The following IMPG1 variants were observed in gnomAD, a reference collection of about 807,000 sequenced individuals.
The protein encoded by IMPG1 is interphotoreceptor matrix proteoglycan 1, also known as interphotoreceptor matrix proteoglycan of 150 kDa.
IMPG1 carries 85 observed loss-of-function variants against 92.0 expected under a neutral mutation model. The observed-to-expected ratio is 0.92, with a 90% CI of 0.78 to 1.11. IMPG1 has a LOEUF of 1.11. IMPG1 is among the 50% of genes least tolerant of loss of function. IMPG1 has a pLI of 0.00. For missense variants in IMPG1, 1,022 were observed against 956.0 expected (o/e 1.07, Z -0.91); for synonymous variants, 367 against 334.1 (o/e 1.10, Z -1.08).
chr6:75,925,853 A>T (rs527429909), intron 15 of IMPG1, among the ~76,000 whole-genome samples: 1 of 152,106 alleles, frequency 6.6e-6, no homozygotes, highest in Non-Finnish European at 1.5e-5. Flanking sequence ...TTTAGTAGAG[A>T]CAGGGTTTCA....
chr6:76,053,095 C>T (rs908129276), intron 1 of IMPG1, among the ~76,000 whole-genome samples: 2 of 152,196 alleles, frequency 1.3e-5, no homozygotes, highest in Non-Finnish European at 1.5e-5. Flanking sequence ...GTTCCACTAA[C>T]CTTTTTTACT....
At chr6:75,944,890 T>C (rs1472183963) in intron 14 of IMPG1, among the ~76,000 whole-genome samples, 1 of 143,936 alleles carries the variant, frequency 6.9e-6, no homozygotes, top group Non-Finnish European at 1.5e-5. Context: ...TCCCAGGTTG[T>C]CCAGCAGGCA....
rs75960304 is a variant in IMPG1, at chr6:75,952,177, C to A, written c.1292-1083G>T. 3.9e-3 allele frequency among the ~76,000 whole-genome samples: 588 copies of A among 152,182 alleles called. 6 individuals are homozygous for A. Among genetic ancestry groups the A allele is most frequent in the African/African-American group, 0.014 (563 of 41,532 alleles). ...TGAATTATTAAAATATTCCAATAAA[C>A]CTAAATCCAGAGCCACTGATGATAT... On this transcript the variant is annotated intron_variant, in intron 12 of 16. Coordinates refer to ENST00000369950, the MANE Select transcript of IMPG1 (RefSeq NM_001563.4).
intron 9 of IMPG1, among the ~76,000 whole-genome samples, chr6:76,006,198 T>G (rs1005391686): frequency 7.9e-5 from 12 of 151,998 alleles, no homozygotes; most frequent in Admixed American, 7.9e-4. Context: ...TGTGATCTTA[T>G]AAGTCATGCC....
rs201624566 is a variant in IMPG1, at chr6:76,018,841, G to A, written c.684C>T (p.Phe228=). 122 of 1,589,726 alleles carry A rather than the reference G, an allele frequency of 7.7e-5. 1 individual carries two copies. The East Asian group carries it at 1.3e-3, about 17-fold the overall frequency. ...CCACCCTCTGCTCCTCCAACACAGCGAATTCTGTTTCTCTTTCCTGAGTTT... is the reference window on the plus strand; with the variant it reads ...CCACCCTCTGCTCCTCCAACACAGCAAATTCTGTTTCTCTTTCCTGAGTTT... The part of the protein sequence containing the change: ...KMPTTERETE[F]AVLEEQRVEL... Residue 228 remains phenylalanine, a synonymous_variant, in exon 7 of 17, where the codon TTC becomes TTT. Transcript: ENST00000369950.
intron 6 of IMPG1, among the ~76,000 whole-genome samples, chr6:76,021,777 G>GTATATATATATATATATATA (rs1562373096): frequency 4.7e-4 from 1 of 2,144 alleles, no homozygotes; most frequent in Non-Finnish European, 1.2e-3. Context: ...CACTTGGAGA[G>GTATATATATATATATATATA]CATATATATA....
chr6:75,960,188 C>T (rs1045343971), intron 12 of IMPG1, among the ~76,000 whole-genome samples: 7 of 152,158 alleles, frequency 4.6e-5, no homozygotes, highest in Non-Finnish European at 8.8e-5. Flanking sequence ...GCTCACCCTC[C>T]GTGGGCTGCA....
At chr6:76,008,797 C>T (rs9350612) in intron 8 of IMPG1, among the ~76,000 whole-genome samples, 49,363 of 152,070 alleles carry the variant, frequency 0.32, 8,357 homozygotes, top group East Asian at 0.49. Flanking sequence ...ACCTGTCAAA[C>T]CATTACCACA....
intron 13 of IMPG1, among the ~76,000 whole-genome samples, chr6:75,949,794 G>A (rs1200052530): frequency 6.6e-6 from 1 of 152,106 alleles, no homozygotes; most frequent in East Asian, 1.9e-4. Context: ...GTTCACTTGA[G>A]AAATTGGGTT....
rs1488272221 is a variant in IMPG1, at chr6:76,040,527, C to G, written c.301+1366G>C. ...CTTTTCTCTATTTTCCCAATGGGCT[C>G]TTTGCATTCTGTGTCCACCAACAAG... On this transcript the variant is annotated intron_variant, in intron 2 of 16. Coordinates refer to ENST00000369950, the MANE Select transcript of IMPG1 (RefSeq NM_001563.4). 2.0e-5 allele frequency among the ~76,000 whole-genome samples: 3 copies of G among 152,172 alleles called. No homozygotes were observed. In the East Asian group the frequency reaches 5.8e-4, roughly 29 times the overall value.
chr6:75,981,635 G>A (rs1782629776), intron 12 of IMPG1, among the ~76,000 whole-genome samples: 1 of 152,188 alleles, frequency 6.6e-6, no homozygotes, highest in Non-Finnish European at 1.5e-5. Flanking sequence ...CCAAGTTACA[G>A]TCATAGAAGA....
intron 12 of IMPG1, among the ~76,000 whole-genome samples, chr6:75,993,463 GGAGA>G (rs1562362323): frequency 6.6e-6 from 1 of 151,370 alleles, no homozygotes; most frequent in Non-Finnish European, 1.5e-5. Context: ...TGGCGGAAAA[GGAGA>G]GAGAGAAAGA....
intron 12 of IMPG1, among the ~76,000 whole-genome samples, chr6:75,966,679 T>C (rs1430657163): frequency 2.6e-5 from 4 of 152,224 alleles, no homozygotes; most frequent in African/African-American, 9.7e-5. Context: ...AGGTCAATAC[T>C]GACAGGCTTT....
chr6:76,041,978 T>C lies in IMPG1; in HGVS notation c.216A>G (p.Ala72=), dbSNP rs747545340. 2 of 1,613,912 alleles carry C rather than the reference T, an allele frequency of 1.2e-6. No homozygotes were observed. Among genetic ancestry groups the C allele is most frequent in the African/African-American group, 1.3e-5 (1 of 74,930 alleles). ...DLAKHRTKRS[A]FFPTGVKVCP... ...AGACTTTAACCCCCGTTGGGAAAAATGCGGATCTTTTTGTTCGATGCTTTG... is the reference window on the plus strand; with the variant it reads ...AGACTTTAACCCCCGTTGGGAAAAACGCGGATCTTTTTGTTCGATGCTTTG... The change falls in exon 2 of 17, where the codon GCA becomes GCG. Residue 72 remains alanine (A), a synonymous_variant. Coordinates refer to ENST00000369950, the MANE Select transcript of IMPG1 (RefSeq NM_001563.4).
intron 12 of IMPG1, among the ~76,000 whole-genome samples, chr6:75,975,503 T>C (rs536033183): frequency 1.3e-5 from 2 of 152,362 alleles, no homozygotes; most frequent in South Asian, 4.1e-4. Flanking sequence ...AATTCTGTGC[T>C]TTTTGTTGTC....
At chr6:75,971,548 C>T (rs1782417489) in intron 12 of IMPG1, among the ~76,000 whole-genome samples, 1 of 152,162 alleles carries the variant, frequency 6.6e-6, no homozygotes, top group South Asian at 2.1e-4. Context: ...TAGTTCAAAA[C>T]AAAATTTAAC....
intron 7 of IMPG1, among the ~76,000 whole-genome samples, chr6:76,015,028 C>G (rs1783259710): frequency 6.6e-6 from 1 of 152,140 alleles, no homozygotes; most frequent in African/African-American, 2.4e-5. Context: ...CCCAGTTAAC[C>G]TTATTAATAA....
chr6:76,058,279 A>C (rs544479222), intron 1 of IMPG1, among the ~76,000 whole-genome samples: 1 of 152,298 alleles, frequency 6.6e-6, no homozygotes, highest in South Asian at 2.1e-4. Flanking sequence ...TGTTTGGATA[A>C]ACTCAGAGAA....
Position 76,019,006 on chromosome 6 carries a change from G to C in IMPG1, c.667-148C>G, listed in dbSNP as rs1029971215. 2.3e-5 allele frequency: 16 copies of C among 686,358 alleles called. No homozygotes were observed. In the South Asian group the frequency reaches 3.9e-4, roughly 17 times the overall value. The allele number at this position is 686,358 out of a possible 1,614,324, so 42.5% of individuals were successfully genotyped here. On this transcript the variant is annotated intron_variant, in intron 6 of 16. Transcript: ENST00000369950. ...TCAAAATCCTTTTAACTAGAACTTAGAGAAGAGCCTAGACTGGTTTAATGA... is the reference window on the plus strand; with the variant it reads ...TCAAAATCCTTTTAACTAGAACTTACAGAAGAGCCTAGACTGGTTTAATGA...
Sources: allele counts gnomAD v4.1 joint callset (sites outside exome capture counted in the v4.1 genomes callset), GRCh38; gene constraint gnomAD v4.1.1; transcripts MANE v1.5; gene names NCBI Gene and HGNC (gene_info 2026-07-23, HGNC 2026-07-21).